Variants in RNF13 observed in about 807,000 individuals in gnomAD.
The protein encoded by RNF13 is E3 ubiquitin-protein ligase RNF13.
Under a neutral mutation model 37.7 loss-of-function variants are expected in RNF13, and 19 were observed. The observed-to-expected ratio is 0.50, with a 90% CI of 0.35 to 0.74. The LOEUF (loss-of-function observed/expected upper bound fraction) is 0.74. Ranked by LOEUF, RNF13 falls within the 30% of genes least tolerant of loss-of-function variation. The probability of loss-of-function intolerance (pLI) is 0.01; values close to 1 mark genes in which losing one functional copy is unlikely to be tolerated. For synonymous variants in RNF13, 144 were observed against 157.8 expected (o/e 0.91, Z 0.65); for missense variants, 375 against 453.0 (o/e 0.83, Z 1.56).
chr3:149,837,812 A>G (rs1167783912), intron 1 of RNF13, among the ~76,000 whole-genome samples: 3 of 151,906 alleles, frequency 2.0e-5, no homozygotes, highest in African/African-American at 4.8e-5. Flanking sequence ...TTCAAAACCA[A>G]TCATGCCTTC....
intron 2 of RNF13, among the ~76,000 whole-genome samples, chr3:149,849,788 G>A (rs575148448): frequency 1.3e-5 from 2 of 152,130 alleles, no homozygotes; most frequent in African/African-American, 4.8e-5. Flanking sequence ...TTAGCATGAT[G>A]TCTGTACATA....
intron 7 of RNF13, among the ~76,000 whole-genome samples, chr3:149,920,256 G>A (rs1006595594): frequency 3.9e-5 from 6 of 151,900 alleles, no homozygotes; most frequent in African/African-American, 1.5e-4. Flanking sequence ...ATGTTTTGGA[G>A]ACAGGCCCTC....
chr3:149,863,333 A>G (rs984569193), intron 3 of RNF13, among the ~76,000 whole-genome samples: 2 of 152,048 alleles, frequency 1.3e-5, no homozygotes, highest in Non-Finnish European at 2.9e-5. Flanking sequence ...GTTTTGGAAA[A>G]CAGTATGTTT....
chr3:149,894,113 TAAAC>T (rs1325329276), intron 4 of RNF13, among the ~76,000 whole-genome samples: 6 of 152,184 alleles, frequency 3.9e-5, no homozygotes, highest in Non-Finnish European at 4.4e-5. Context: ...GGCTATAAGA[TAAAC>T]AAAGTATTAA....
chr3:149,823,800 T>C (rs1469744238), intron 1 of RNF13, among the ~76,000 whole-genome samples: 1 of 152,210 alleles, frequency 6.6e-6, no homozygotes, highest in Non-Finnish European at 1.5e-5. Context: ...TTGGAAGACA[T>C]TATATTATTA....
chr3:149,858,544 T>A (rs889330433), intron 3 of RNF13, among the ~76,000 whole-genome samples: 3 of 152,220 alleles, frequency 2.0e-5, no homozygotes, highest in Non-Finnish European at 4.4e-5. Context: ...TGAGTATAAT[T>A]ATCAATGGCA....
At chr3:149,845,297 A>G (rs1438930758) in intron 1 of RNF13, among the ~76,000 whole-genome samples, 2 of 152,222 alleles carry the variant, frequency 1.3e-5, no homozygotes, top group East Asian at 1.9e-4. Flanking sequence ...TTAAGAGTAT[A>G]TAATACAATT....
chr3:149,892,587 C>T (rs910487251), intron 4 of RNF13, among the ~76,000 whole-genome samples: 24 of 152,208 alleles, frequency 1.6e-4, no homozygotes, highest in South Asian at 6.2e-4. Context: ...AGCGGTGGGC[C>T]GGCAAGCATT....
intron 8 of RNF13, among the ~76,000 whole-genome samples, chr3:149,945,971 A>G (rs1720736246): frequency 6.6e-6 from 1 of 152,194 alleles, no homozygotes; most frequent in African/African-American, 2.4e-5. Context: ...TGGGGAAAAA[A>G]CAGAGCAGAA....
chr3:149,826,699 C>T (rs1281699479), intron 1 of RNF13, among the ~76,000 whole-genome samples: 4 of 152,044 alleles, frequency 2.6e-5, no homozygotes, highest in South Asian at 2.1e-4. Flanking sequence ...GAATAAAAAC[C>T]GCAGAGTCCC....
intron 3 of RNF13, among the ~76,000 whole-genome samples, chr3:149,862,390 T>C (rs1414722282): frequency 6.6e-6 from 1 of 152,128 alleles, no homozygotes; most frequent in Non-Finnish European, 1.5e-5. Context: ...CTTTTTATCC[T>C]ACCATATTCT....
chr3:149,897,148 A>C (rs1473244224), intron 5 of RNF13, among the ~76,000 whole-genome samples: 1 of 152,218 alleles, frequency 6.6e-6, no homozygotes, highest in East Asian at 1.9e-4. Flanking sequence ...GTATACATTT[A>C]CTGGCAAAAT....
Position 149,846,049 on chromosome 3 carries a change from T to C in RNF13, c.23T>C (p.Leu8Pro). 1 of 1,611,612 alleles carries C rather than the reference T, an allele frequency of 6.2e-7. No homozygotes were observed. The highest frequency in any genetic ancestry group is 8.5e-7 in the Non-Finnish European group (1 of 1,179,470). Residue 8 changes from leucine (L) to proline (P), a missense_variant, in exon 2 of 10, where the codon CTC becomes CCC. Physicochemically the swap from Leu to Pro is moderately conservative, Grantham distance 98. Transcript: ENST00000392894. ...GAGATGCTGCTCTCCATAGGGATGC[T>C]CATGCTGTCAGCCACACAAGTCTAC... The part of the protein sequence containing the change: MLLSIGM[L>P]MLSATQVYTI...
intron 7 of RNF13, among the ~76,000 whole-genome samples, chr3:149,917,765 T>G (rs2108529347): frequency 6.6e-6 from 1 of 152,332 alleles, no homozygotes; most frequent in Admixed American, 6.5e-5. Context: ...TCTGATTAAA[T>G]TTTGTAAACA....
intron 6 of RNF13, among the ~76,000 whole-genome samples, chr3:149,908,202 C>T (rs1667235678): frequency 1.3e-5 from 2 of 152,164 alleles, no homozygotes; most frequent in South Asian, 2.1e-4. Context: ...TATTGGATAA[C>T]ATACAACTTT....
chr3:149,908,779 G>A (rs1227898693), intron 6 of RNF13, among the ~76,000 whole-genome samples: 1 of 152,192 alleles, frequency 6.6e-6, no homozygotes, highest in Non-Finnish European at 1.5e-5. Context: ...GGGGTTGGAT[G>A]TCAGAAAAGA....
intron 8 of RNF13, among the ~76,000 whole-genome samples, chr3:149,931,080 G>T (rs1380082052): frequency 2.6e-5 from 4 of 150,956 alleles, no homozygotes; most frequent in African/African-American, 2.4e-5. Flanking sequence ...TTTTTTTCTG[G>T]GGGGACAAGG....
intron 5 of RNF13, among the ~76,000 whole-genome samples, chr3:149,900,807 TG>T (rs1715750677): frequency 6.6e-6 from 1 of 152,114 alleles, no homozygotes; most frequent in African/African-American, 2.4e-5. Context: ...GGGGCTTACA[TG>T]TTTTTTTCTG....
chr3:149,824,613 T>C (rs1009507975), intron 1 of RNF13, among the ~76,000 whole-genome samples: 5 of 151,922 alleles, frequency 3.3e-5, no homozygotes, highest in Non-Finnish European at 4.4e-5. Context: ...AGAAAAAATA[T>C]ATGGTTTTTT....
Sources: gnomAD v4.1 joint callset for allele counts (sites outside exome capture counted in the v4.1 genomes callset) on GRCh38, gnomAD v4.1.1 for gene constraint, MANE v1.5 for transcripts, NCBI Gene and HGNC (gene_info 2026-07-23, HGNC 2026-07-21) for gene names.